DOCK3: variants seen among roughly 807,000 people sequenced by gnomAD.
DOCK3 encodes the protein dedicator of cytokinesis 3.
DOCK3 carries 60 observed loss-of-function variants against 265.6 expected under a neutral mutation model. The observed-to-expected ratio is 0.23, with a 90% CI of 0.18 to 0.28. DOCK3 has a LOEUF of 0.28. Among genes scored for constraint, DOCK3 ranks in the 10% least tolerant of loss-of-function variants. The pLI, the probability that DOCK3 is intolerant of heterozygous loss-of-function variation, is 1.00. For synonymous variants in DOCK3, 881 were observed against 938.0 expected (o/e 0.94, Z 1.11); for missense variants, 1,981 against 2,594.3 (o/e 0.76, Z 5.14).
At chr3:50,702,572 T>C (rs1354870293) in intron 1 of DOCK3, among the ~76,000 whole-genome samples, 3 of 152,110 alleles carry the variant, frequency 2.0e-5, no homozygotes, top group East Asian at 1.9e-4. Context: ...TTTCACCATG[T>C]TGGTCAGGCT....
intron 1 of DOCK3, among the ~76,000 whole-genome samples, chr3:50,676,814 C>T (rs1415767951): frequency 6.6e-6 from 1 of 152,180 alleles, no homozygotes; most frequent in African/African-American, 2.4e-5. Flanking sequence ...AATTTAACAT[C>T]ATTTAACGTC....
intron 49 of DOCK3, among the ~76,000 whole-genome samples, chr3:51,363,884 C>G (rs2086929779): frequency 6.6e-6 from 1 of 152,208 alleles, no homozygotes; most frequent in South Asian, 2.1e-4. Flanking sequence ...TCCAGTCTGT[C>G]ATTGATGGAC....
At chr3:50,695,703 G>T (rs1032248263) in intron 1 of DOCK3, among the ~76,000 whole-genome samples, 4 of 152,206 alleles carry the variant, frequency 2.6e-5, no homozygotes, top group Non-Finnish European at 5.9e-5. Flanking sequence ...GAGAGGAATG[G>T]ACACAATGGG....
intron 27 of DOCK3, among the ~76,000 whole-genome samples, chr3:51,288,874 G>GTTT (rs2081563917): frequency 6.6e-6 from 1 of 151,164 alleles, no homozygotes; most frequent in African/African-American, 2.5e-5. Flanking sequence ...TAGGAGAGGG[G>GTTT]TGTTTGTGTG....
chr3:50,680,784 A>T (rs1048476776), intron 1 of DOCK3, among the ~76,000 whole-genome samples: 8 of 151,480 alleles, frequency 5.3e-5, no homozygotes, highest in Non-Finnish European at 1.2e-4. Flanking sequence ...GTTTACAGGT[A>T]TGAGCCACTG....
At chr3:51,126,815 G>C (rs1013110082) in intron 9 of DOCK3, among the ~76,000 whole-genome samples, 1 of 151,988 alleles carries the variant, frequency 6.6e-6, no homozygotes, top group Non-Finnish European at 1.5e-5. Context: ...TTGTCACATA[G>C]GTAAACTCAT....
intron 6 of DOCK3, among the ~76,000 whole-genome samples, chr3:51,069,038 T>A (rs527737735): frequency 6.6e-6 from 1 of 152,318 alleles, no homozygotes; most frequent in African/African-American, 2.4e-5. Context: ...TAAACTTATG[T>A]GACTTAAAAT....
At chr3:50,850,055 C>T (rs139371657) in intron 3 of DOCK3, among the ~76,000 whole-genome samples, 1 of 151,866 alleles carries the variant, frequency 6.6e-6, no homozygotes, top group African/African-American at 2.4e-5. Flanking sequence ...AGATGTTTAT[C>T]TCTTCCGTCA....
At chr3:51,085,802 A>G (rs961890333) in intron 7 of DOCK3, among the ~76,000 whole-genome samples, 4 of 152,210 alleles carry the variant, frequency 2.6e-5, no homozygotes, top group Admixed American at 1.3e-4. Flanking sequence ...GTTAGTAGAA[A>G]TAAGTAATAA....
intron 1 of DOCK3, among the ~76,000 whole-genome samples, chr3:50,764,860 T>C (rs1034431843): frequency 6.6e-6 from 1 of 152,162 alleles, no homozygotes; most frequent in Admixed American, 6.6e-5. Flanking sequence ...AGTTTTATTT[T>C]GCCACGGATA....
At chr3:50,813,971 CA>C (rs1305409333) in intron 2 of DOCK3, among the ~76,000 whole-genome samples, 3 of 152,044 alleles carry the variant, frequency 2.0e-5, no homozygotes, top group African/African-American at 4.8e-5. Context: ...ATACTAAGTG[CA>C]ATGTATCTGG....
At chr3:50,705,080 A>G (rs962579251) in intron 1 of DOCK3, among the ~76,000 whole-genome samples, 10 of 94,530 alleles carry the variant, frequency 1.1e-4, no homozygotes, top group African/African-American at 3.2e-4. Context: ...TTCTTCTCCT[A>G]TTGTTGGCCT....
chr3:51,187,903 G>A (rs1440093417), intron 12 of DOCK3, among the ~76,000 whole-genome samples: 2 of 152,098 alleles, frequency 1.3e-5, no homozygotes, highest in African/African-American at 4.8e-5. Flanking sequence ...TTTGGGGTAT[G>A]TCTTTATCAG....
intron 1 of DOCK3, among the ~76,000 whole-genome samples, chr3:50,776,502 G>T (rs1385158131): frequency 6.6e-6 from 1 of 151,672 alleles, no homozygotes; most frequent in African/African-American, 2.4e-5. Flanking sequence ...TGCATAGTTT[G>T]CAGATATTTT....
intron 1 of DOCK3, among the ~76,000 whole-genome samples, chr3:50,691,515 G>A (rs1576112947): frequency 6.6e-6 from 1 of 152,276 alleles, no homozygotes; most frequent in East Asian, 1.9e-4. Flanking sequence ...AAATAATGCT[G>A]CAGTGAACAC....
chr3:50,835,007 T>C (rs1409306199), intron 2 of DOCK3, among the ~76,000 whole-genome samples: 1 of 152,220 alleles, frequency 6.6e-6, no homozygotes, highest in East Asian at 1.9e-4. Context: ...TAGATTCTCA[T>C]AAACCTTTTT....
At chr3:51,285,509 ATACTC>A (rs1054070002) in intron 27 of DOCK3, among the ~76,000 whole-genome samples, 1 of 151,806 alleles carries the variant, frequency 6.6e-6, no homozygotes, top group African/African-American at 2.4e-5. Context: ...GAGCTGAAGA[ATACTC>A]TAAACTGAAA....
chr3:51,078,574 A>G (rs2082128112), intron 7 of DOCK3, among the ~76,000 whole-genome samples: 1 of 152,224 alleles, frequency 6.6e-6, no homozygotes. Flanking sequence ...GATTTGTTGT[A>G]GGAAAAACAT....
chr3:51,324,278 A>G (rs1197473320), intron 32 of DOCK3, among the ~76,000 whole-genome samples: 2 of 152,244 alleles, frequency 1.3e-5, no homozygotes, highest in Admixed American at 6.5e-5. Context: ...CTATACACCA[A>G]TAACAGACAA....
Sources: gnomAD v4.1 joint callset for allele counts (sites outside exome capture counted in the v4.1 genomes callset) on GRCh38, gnomAD v4.1.1 for gene constraint, MANE v1.5 for transcripts, NCBI Gene and HGNC (gene_info 2026-07-23, HGNC 2026-07-21) for gene names.